Variants in MCF2L observed in about 807,000 individuals in gnomAD.
MCF2L encodes guanine nucleotide exchange factor DBS.
Under a neutral mutation model 153.4 loss-of-function variants are expected in MCF2L, and 97 were observed. That is an observed-to-expected ratio of 0.63 (90% CI 0.54 to 0.75). MCF2L has a LOEUF of 0.75. MCF2L is among the 30% of genes least tolerant of loss of function. The probability of loss-of-function intolerance (pLI) is 0.00; values close to 1 mark genes in which losing one functional copy is unlikely to be tolerated. For synonymous variants in MCF2L, 659 were observed against 632.2 expected (o/e 1.04, Z -0.64); for missense variants, 1,347 against 1,495.2 (o/e 0.90, Z 1.64).
rs913530336 is a variant in MCF2L at position 112,941,024 on chromosome 13, G to A, written c.169+38653G>A. 1.3e-5 allele frequency among the ~76,000 whole-genome samples: 2 copies of A among 152,156 alleles called. No homozygotes were observed. Among genetic ancestry groups the A allele is most frequent in the Non-Finnish European group, 2.9e-5 (2 of 68,032 alleles). ...CAGAGTGAGTGAATCAGACACATGG[G>A]CTCTGGATGTGAAATCCACCTAGCA... is the stretch of plus-strand genomic sequence containing the variant. On this transcript the variant is annotated intron_variant, in intron 2 of 29. Transcript: ENST00000375608. This position sits in a 1 kb window ranked among gnomAD's most constrained non-coding sequence, Gnocchi z 4.9.
At chr13:112,947,436 T>C (rs1297467730) in intron 2 of MCF2L, among the ~76,000 whole-genome samples, 1 of 152,228 alleles carries the variant, frequency 6.6e-6, no homozygotes, top group African/African-American at 2.4e-5. Context: ...ACGATTCATC[T>C]GATGCAAGTT....
intron 3 of MCF2L, among the ~76,000 whole-genome samples, chr13:113,032,080 AC>A (rs2085762332): frequency 6.6e-6 from 1 of 152,126 alleles, no homozygotes; most frequent in South Asian, 2.1e-4. Context: ...CAACAGAAAC[AC>A]GAATGTAATC....
rs1024412046 is a variant in MCF2L, at chr13:113,035,312, A to G, written c.279-9959A>G. ...ATTTTACTCTAAGGCCTGTCTGTAA[A>G]CCCTAATAAATGACCCTACTCAGGT... On this transcript the variant is annotated intron_variant, in intron 3 of 29. Transcript: ENST00000535094. The surrounding 1 kb of genome is among the most constrained non-coding windows in gnomAD (Gnocchi z 4.4). 2.6e-5 allele frequency among the ~76,000 whole-genome samples: 4 copies of G among 152,040 alleles called. No individual in the cohort carries two copies. The highest frequency in any genetic ancestry group is 4.4e-5 in the Non-Finnish European group (3 of 68,018).
At position 113,079,203 on chromosome 13, in the gene MCF2L, C is replaced by A. The variant is rs553073850; in HGVS notation, c.1808+464C>A. Among the ~76,000 whole-genome samples, 3 of 152,354 alleles carry A rather than the reference C, an allele frequency of 2.0e-5. No homozygotes were observed. In the South Asian group the frequency reaches 6.2e-4, roughly 32 times the overall value. Reference sequence around the variant, plus strand: ...CAGCCCTCCTTTTCCCCTGGGATTCCTGGACCCTCAAACTCAGGGAGTGTT... The same window carrying A: ...CAGCCCTCCTTTTCCCCTGGGATTCATGGACCCTCAAACTCAGGGAGTGTT... On this transcript the variant is annotated intron_variant, in intron 15 of 29. Transcript: ENST00000535094.
intron 1 of MCF2L, among the ~76,000 whole-genome samples, chr13:113,005,238 G>A (rs546840954): frequency 7.9e-5 from 12 of 152,330 alleles, no homozygotes; most frequent in Non-Finnish European, 1.5e-4. Flanking sequence ...GCAAAGCCAC[G>A]GCCTGCTGAG....
rs546423935 is a variant in MCF2L at position 113,089,316 on chromosome 13, C to T, written c.2835-294C>T. ...GGTGGGCATCTGCTCTCATCCAGCC[C>T]GTCTGGGTTTAACTTAGAAGTGTGT... On this transcript the variant is annotated intron_variant, in intron 25 of 29. Coordinates refer to ENST00000535094, the MANE Select transcript of MCF2L (RefSeq NM_001112732.3). Among the ~76,000 whole-genome samples, 87 of 148,220 alleles carry T rather than the reference C, an allele frequency of 5.9e-4. 4 individuals are homozygous for T. Among genetic ancestry groups the T allele is most frequent in the African/African-American group, 2.1e-3 (84 of 39,972 alleles).
At chr13:112,905,441 G>T (rs952107056) in intron 2 of MCF2L, among the ~76,000 whole-genome samples, 9 of 152,232 alleles carry the variant, frequency 5.9e-5, no homozygotes, top group Non-Finnish European at 1.3e-4. Flanking sequence ...GTGGGTTACA[G>T]ATTGGGAACG....
intron 5 of MCF2L, among the ~76,000 whole-genome samples, chr13:113,062,193 C>G (rs895403393): frequency 1.3e-5 from 2 of 152,052 alleles, no homozygotes; most frequent in African/African-American, 4.8e-5. Context: ...AGCGACAAAA[C>G]CGTGCAGAGC....
chr13:113,058,083 G>A (rs1465183332), intron 4 of MCF2L, among the ~76,000 whole-genome samples: 8 of 150,578 alleles, frequency 5.3e-5, no homozygotes, highest in Non-Finnish European at 1.2e-4. Flanking sequence ...GGTGCTGTTT[G>A]GGTGCTGAGT....
chr13:113,064,153 C>T lies in MCF2L; in HGVS notation c.490-151C>T, dbSNP rs2031996240. 2 of 702,692 alleles carry T rather than the reference C, an allele frequency of 2.8e-6. No individual in the cohort carries two copies. Among genetic ancestry groups the T allele is most frequent in the South Asian group, 3.2e-5 (2 of 63,440 alleles). The allele number at this position is 702,692 out of a possible 1,614,324, so 43.5% of individuals were successfully genotyped here. On this transcript the variant is annotated intron_variant, in intron 5 of 29. Coordinates refer to ENST00000535094, the MANE Select transcript of MCF2L (RefSeq NM_001112732.3). This position sits in a 1 kb window ranked among gnomAD's most constrained non-coding sequence, Gnocchi z 6.0. ...TGCATCCCATCCGCACATCCATCCG[C>T]AGTGTCCAGGTGCCCCCACCCACAC...
chr13:112,904,240 T>C lies in MCF2L; in HGVS notation c.169+1869T>C, dbSNP rs1461183009. ...GGTAAGGCAGATTTAGGACTAGGGT[T>C]AGGGAACCCTCACAACTGAACCAAG... On this transcript the variant is annotated intron_variant, in intron 2 of 29. Coordinates refer to the MCF2L transcript ENST00000375608. The surrounding 1 kb of genome is among the most constrained non-coding windows in gnomAD (Gnocchi z 4.2). Among the ~76,000 whole-genome samples the C allele has an allele frequency of 2.6e-5, 4 of 152,068 alleles. No individual in the cohort carries two copies. The highest frequency in any genetic ancestry group is 2.0e-4 in the Admixed American group (3 of 15,266).
intron 1 of MCF2L, among the ~76,000 whole-genome samples, chr13:112,986,766 C>A (rs1286008942): frequency 6.6e-6 from 1 of 152,244 alleles, no homozygotes; most frequent in Non-Finnish European, 1.5e-5. Context: ...CTCAGTCCTG[C>A]AGCCGGGTCT....
At chr13:112,914,791 C>T (rs1037614371) in intron 2 of MCF2L, among the ~76,000 whole-genome samples, 7 of 151,682 alleles carry the variant, frequency 4.6e-5, no homozygotes, top group Admixed American at 6.6e-5. Flanking sequence ...GTTTTCTAGG[C>T]GCTTTTCATA....
intron 1 of MCF2L, among the ~76,000 whole-genome samples, chr13:113,010,784 C>T (rs930726504): frequency 1.3e-5 from 2 of 152,120 alleles, no homozygotes; most frequent in Admixed American, 6.5e-5. Context: ...GGAGCTGGGC[C>T]TGGCCTGGCC....
chr13:112,994,990 C>T (rs1327635871), intron 1 of MCF2L, among the ~76,000 whole-genome samples: 1 of 152,260 alleles, frequency 6.6e-6, no homozygotes, highest in Non-Finnish European at 1.5e-5. Context: ...GGTTTGGCTC[C>T]AGGACGGTCC....
chr13:113,026,137 T>C (rs113450755), intron 3 of MCF2L, among the ~76,000 whole-genome samples: 1 of 147,674 alleles, frequency 6.8e-6, no homozygotes. Flanking sequence ...TCCCCGTGAC[T>C]GTGGGTCGGG....
chr13:113,074,409 GACACCCC>G lies in MCF2L; in HGVS notation c.997-34_997-28del, dbSNP rs746293177. The G allele has an allele frequency of 4.4e-6, 7 of 1,600,758 alleles. No individual in the cohort carries two copies. The highest frequency in any genetic ancestry group is 5.1e-6 in the Non-Finnish European group (6 of 1,169,050). On this transcript the variant is annotated intron_variant, in intron 9 of 29. Coordinates refer to ENST00000535094, the MANE Select transcript of MCF2L (RefSeq NM_001112732.3). This position sits in a 1 kb window ranked among gnomAD's most constrained non-coding sequence, Gnocchi z 4.2. ...GGGTTCTCTCTGTTCAGGTGAGGGA[GACACCCC>G]CCTGAGATGGGCCCTCCTCTGTTCC... is the stretch of plus-strand genomic sequence containing the variant.
chr13:112,989,959 T>A (rs2082834206), intron 1 of MCF2L, among the ~76,000 whole-genome samples: 1 of 152,286 alleles, frequency 6.6e-6, no homozygotes, highest in Admixed American at 6.5e-5. Context: ...ACAGCCTAGA[T>A]CCCTCGCATG....
intron 1 of MCF2L, chr13:113,001,958 G>C (rs2083403198): frequency 6.3e-7 from 1 of 1,592,932 alleles, no homozygotes; most frequent in East Asian, 2.3e-5. Context: ...TCTGGGCGCT[G>C]TGGCTGCTGC....
Sources: gnomAD v4.1 joint callset for allele counts (sites outside exome capture counted in the v4.1 genomes callset) on GRCh38, gnomAD v4.1.1 for gene constraint, Gnocchi (gnomAD v3.1) non-coding constraint, MANE v1.5 for transcripts, NCBI Gene and HGNC (gene_info 2026-07-23, HGNC 2026-07-21) for gene names.